FGF13: variants seen among roughly 807,000 people sequenced by gnomAD.
FGF13 encodes the protein fibroblast growth factor 13, also known as fibroblast growth factor homologous factor 2.
A neutral mutation model predicts 19.5 loss-of-function variants in FGF13; 2 were observed. The observed-to-expected ratio is 0.10, with a 90% CI of 0.04 to 0.32. The LOEUF is 0.32. FGF13 is among the 10% of genes least tolerant of loss of function. The probability of loss-of-function intolerance (pLI) is 1.00; values close to 1 mark genes in which losing one functional copy is unlikely to be tolerated. For missense variants in FGF13, 113 were observed against 192.7 expected (o/e 0.59, Z 2.45); for synonymous variants, 72 against 76.9 (o/e 0.94, Z 0.33).
intron 3 of FGF13, among the ~76,000 whole-genome samples, chrX:138,839,898 A>G (rs902666537): frequency 9.0e-6 from 1 of 111,708 alleles, no homozygotes; most frequent in Non-Finnish European, 1.9e-5. Flanking sequence ...TGCCTTACCT[A>G]AAGTCTTTGA....
At chrX:138,693,132 T>C (rs1160564045) in intron 3 of FGF13, among the ~76,000 whole-genome samples, 1 of 111,968 alleles carries the variant, frequency 8.9e-6, no homozygotes, top group Non-Finnish European at 1.9e-5. Flanking sequence ...CAATTTCACA[T>C]ACAAATAATG....
intron 3 of FGF13, among the ~76,000 whole-genome samples, chrX:138,695,541 G>C (rs1423641703): frequency 8.9e-6 from 1 of 111,858 alleles, no homozygotes; most frequent in African/African-American, 3.2e-5. Flanking sequence ...TAGGTGTAAA[G>C]TGCCAGGGTA....
intron 1 of FGF13, among the ~76,000 whole-genome samples, chrX:139,142,935 A>ATCCACATATC (rs1489020675): frequency 8.9e-6 from 1 of 111,881 alleles, no homozygotes; most frequent in Non-Finnish European, 1.9e-5. Context: ...ATATGTCATC[A>ATCCACATATC]TCCACATATC....
chrX:139,105,084 T>C (rs2083550241), intron 1 of FGF13, among the ~76,000 whole-genome samples: 1 of 111,011 alleles, frequency 9.0e-6, no homozygotes, highest in South Asian at 3.9e-4. Context: ...ATACCAACAC[T>C]GGTTTTCAGT....
intron 1 of FGF13, among the ~76,000 whole-genome samples, chrX:138,984,523 GGAA>G (rs1209275314): frequency 0.013 from 416 of 31,541 alleles, 40 homozygotes; most frequent in African/African-American, 0.027. Flanking sequence ...AAGAAGAAGA[GGAA>G]GAAGAAGAAG....
chrX:138,754,089 G>C (rs1190885058), intron 3 of FGF13, among the ~76,000 whole-genome samples: 2 of 111,883 alleles, frequency 1.8e-5, no homozygotes. Flanking sequence ...ATACACACAG[G>C]TTACTAATAC....
intron 1 of FGF13, among the ~76,000 whole-genome samples, chrX:139,133,893 C>T (rs1039644496): frequency 8.9e-6 from 1 of 111,919 alleles, no homozygotes; most frequent in Non-Finnish European, 1.9e-5. Context: ...CTAGTTTCCT[C>T]GGCCTTTTAT....
intron 1 of FGF13, among the ~76,000 whole-genome samples, chrX:138,710,144 T>C (rs2090028614): frequency 9.0e-6 from 1 of 110,568 alleles, no homozygotes; most frequent in Non-Finnish European, 1.9e-5. Context: ...ACAGTCTGGG[T>C]ATGAGCTTAA....
intron 1 of FGF13, among the ~76,000 whole-genome samples, chrX:139,100,030 T>C (rs991794731): frequency 2.6e-5 from 2 of 76,682 alleles, no homozygotes; most frequent in African/African-American, 5.5e-5. Context: ...TTCCCATTAC[T>C]GGGGAAAGCA....
intron 1 of FGF13, 146 bp downstream of exon 1, chrX:138,710,671 G>A (rs2090036781): frequency 4.9e-6 from 5 of 1,010,642 alleles, no homozygotes; most frequent in African/African-American, 3.8e-5. Context: ...GAAAGCCAGC[G>A]CCTTCCCACG....
At chrX:139,002,293 A>G (rs770286427) in intron 1 of FGF13, among the ~76,000 whole-genome samples, 1 of 111,684 alleles carries the variant, frequency 9.0e-6, no homozygotes, top group Admixed American at 9.5e-5. Context: ...ACCTATGTAA[A>G]CAAACATGCA....
chrX:138,981,799 C>G (rs1399223869), intron 1 of FGF13, among the ~76,000 whole-genome samples: 1 of 111,309 alleles, frequency 9.0e-6, no homozygotes, highest in Admixed American at 9.6e-5. Context: ...CCCTTTTTCT[C>G]ACATCTTATT....
chrX:138,790,109 T>G (rs759439528), intron 3 of FGF13, among the ~76,000 whole-genome samples: 151 of 99,704 alleles, frequency 1.5e-3, no homozygotes, highest in African/African-American at 5.3e-3. Context: ...GATCTTAGAC[T>G]TCCAGCCTCC....
intron 1 of FGF13, among the ~76,000 whole-genome samples, chrX:139,015,795 CTTACA>C (rs1004006599): frequency 2.1e-4 from 24 of 111,740 alleles, no homozygotes; most frequent in African/African-American, 7.5e-4. Flanking sequence ...ATCACATTTC[CTTACA>C]TTAAATTATA....
intron 1 of FGF13, among the ~76,000 whole-genome samples, chrX:139,045,133 T>C (rs1377040667): frequency 8.9e-6 from 1 of 112,510 alleles, no homozygotes; most frequent in Non-Finnish European, 1.9e-5. Context: ...ACCTACAGGC[T>C]TAACACCACA....
chrX:138,910,316 T>G (rs1050594614), intron 1 of FGF13, among the ~76,000 whole-genome samples: 7 of 110,935 alleles, frequency 6.3e-5, no homozygotes, highest in African/African-American at 9.8e-5. Flanking sequence ...ATGTGCCATA[T>G]GAAAAGACCA....
At chrX:138,791,723 C>G (rs887521060) in intron 3 of FGF13, among the ~76,000 whole-genome samples, 1 of 111,859 alleles carries the variant, frequency 8.9e-6, no homozygotes, top group African/African-American at 3.2e-5. Context: ...TTTTGTCACC[C>G]TAATGAACAT....
At chrX:139,130,956 G>C (rs2083755823) in intron 1 of FGF13, among the ~76,000 whole-genome samples, 1 of 111,167 alleles carries the variant, frequency 9.0e-6, no homozygotes, top group African/African-American at 3.3e-5. Flanking sequence ...TGTGCTCCTA[G>C]ATTAAATGCC....
intron 3 of FGF13, among the ~76,000 whole-genome samples, chrX:138,772,126 C>T (rs761972344): frequency 4.1e-5 from 4 of 98,752 alleles, no homozygotes; most frequent in Admixed American, 3.4e-4. Context: ...TAAATATGCA[C>T]AAAATTTATT....
Sources: gnomAD v4.1 joint callset for allele counts (sites outside exome capture counted in the v4.1 genomes callset) on GRCh38, gnomAD v4.1.1 for gene constraint, MANE v1.5 for transcripts, NCBI Gene and HGNC (gene_info 2026-07-23, HGNC 2026-07-21) for gene names.